Variants in SERAC1 observed in about 807,000 individuals in gnomAD.
The protein encoded by SERAC1 is serine active site containing 1.
In SERAC1, 36 loss-of-function variants were observed where a neutral mutation model predicts 85.7. That is an observed-to-expected ratio of 0.42 (90% CI 0.32 to 0.55). The LOEUF (loss-of-function observed/expected upper bound fraction) is 0.55, where lower values mean the gene tolerates loss of function less well. Among genes scored for constraint, SERAC1 ranks in the 20% least tolerant of loss-of-function variants. The probability of loss-of-function intolerance (pLI) is 0.11; values close to 1 mark genes in which losing one functional copy is unlikely to be tolerated. For synonymous variants in SERAC1, 242 were observed against 265.3 expected, an observed-to-expected ratio of 0.91 and a Z score of 0.85; for missense variants, 629 against 796.2, an observed-to-expected ratio of 0.79 and a Z score of 2.53.
intron 10 of SERAC1, among the ~76,000 whole-genome samples, chr6:158,122,031 A>G (rs1474646632): frequency 2.0e-5 from 3 of 152,264 alleles, no homozygotes; most frequent in Non-Finnish European, 4.4e-5. Flanking sequence ...TGGTGATCCC[A>G]TAAGATTATA....
At chr6:158,121,122 CTATGA>C (rs1562436350) in intron 10 of SERAC1, among the ~76,000 whole-genome samples, 1 of 151,732 alleles carries the variant, frequency 6.6e-6, no homozygotes, top group East Asian at 1.9e-4. Context: ...ACTATCTATG[CTATGA>C]TTTCTTTTTT....
At chr6:158,161,360 A>T (rs1203728454) in intron 1 of SERAC1, 1 of 151,164 alleles carries the variant, frequency 6.6e-6, no homozygotes, top group African/African-American at 2.4e-5. Context: ...TTAGCCTGGG[A>T]GACAGAGTAA....
intron 3 of SERAC1, among the ~76,000 whole-genome samples, chr6:158,152,520 A>AT (rs1785231689): frequency 6.7e-6 from 1 of 149,614 alleles, no homozygotes; most frequent in South Asian, 2.1e-4. Flanking sequence ...CATCTCCGAA[A>AT]AAAAAAAAAG....
intron 6 of SERAC1, 29 bp from the exon 7 acceptor site, chr6:158,144,449 T>A: frequency 2.0e-6 from 3 of 1,533,918 alleles, no homozygotes; most frequent in Non-Finnish European, 2.6e-6. Flanking sequence ...CTTTTGTTAA[T>A]ACCAAAACTA....
intron 1 of SERAC1, among the ~76,000 whole-genome samples, chr6:158,166,982 TAGCTGACAC>T (rs1785612705): frequency 6.6e-6 from 1 of 151,958 alleles, no homozygotes; most frequent in Non-Finnish European, 1.5e-5. Flanking sequence ...TCTAGAATAA[TAGCTGACAC>T]ACATCAAGTG....
chr6:158,129,418 T>G (rs1784618168), intron 9 of SERAC1, among the ~76,000 whole-genome samples: 1 of 152,194 alleles, frequency 6.6e-6, no homozygotes, highest in Non-Finnish European at 1.5e-5. Context: ...TGCATTCACC[T>G]CACCAGGGTG....
rs1273945797 is a variant in SERAC1, at chr6:158,110,304, T to G, written c.*1062A>C. ...GGGAGGCTGAAGCAAAAGGATCTCTTGAGCCCAGGAGTTTGAGGTTACAAT... is the reference window on the plus strand; with the variant it reads ...GGGAGGCTGAAGCAAAAGGATCTCTGGAGCCCAGGAGTTTGAGGTTACAAT... On this transcript the variant is annotated 3_prime_UTR_variant, in exon 17 of 17. Transcript: ENST00000647468. The G allele has an allele frequency of 6.6e-6, 1 of 152,234 alleles. No individual in the cohort carries two copies. Among genetic ancestry groups the G allele is most frequent in the East Asian group, 1.9e-4 (1 of 5,190 alleles). The allele number at this position is 152,234 out of a possible 1,614,324, so 9.4% of individuals were successfully genotyped here. A position where few individuals can be genotyped will look rare whatever the true frequency, so the allele number is the denominator to read the frequency against.
intron 6 of SERAC1, among the ~76,000 whole-genome samples, chr6:158,144,836 A>ATTT (rs2128420498): frequency 6.6e-6 from 1 of 152,332 alleles, no homozygotes; most frequent in African/African-American, 2.4e-5. Context: ...GTCCATGAAT[A>ATTT]TTTAGTCTGC....
At chr6:158,142,144 G>A (rs1462792628) in intron 8 of SERAC1, among the ~76,000 whole-genome samples, 2 of 151,980 alleles carry the variant, frequency 1.3e-5, no homozygotes, top group African/African-American at 4.8e-5. Context: ...AGTATTCACT[G>A]ATAGCCTTTT....
intron 1 of SERAC1, among the ~76,000 whole-genome samples, chr6:158,167,857 G>A (rs1017897465): frequency 1.3e-5 from 2 of 152,018 alleles, no homozygotes; most frequent in Non-Finnish European, 2.9e-5. Flanking sequence ...TCATCTCTCC[G>A]TGACTACCGA....
chr6:158,160,919 T>C (rs564760020), intron 1 of SERAC1: 65 of 152,308 alleles, frequency 4.3e-4, no homozygotes, highest in African/African-American at 1.5e-3. Flanking sequence ...ATTTTGTCAG[T>C]TTCCTTCCTT....
intron 5 of SERAC1, 143 bp downstream of exon 5, chr6:158,148,722 C>T (rs927479269): frequency 1.8e-5 from 10 of 569,964 alleles, no homozygotes; most frequent in African/African-American, 7.9e-5. Context: ...GGATTACAAG[C>T]GTGAGCCACC....
chr6:158,156,014 T>C (rs1562459131), intron 2 of SERAC1, among the ~76,000 whole-genome samples: 1 of 151,818 alleles, frequency 6.6e-6, no homozygotes, highest in African/African-American at 2.4e-5. Context: ...CCAGGCATGG[T>C]GGCGCATGCC....
chr6:158,151,498 C>A (rs561477721), intron 3 of SERAC1, among the ~76,000 whole-genome samples: 1 of 152,056 alleles, frequency 6.6e-6, no homozygotes, highest in South Asian at 2.1e-4. Context: ...CTCGGCTCAC[C>A]GCAAGCTCTA....
At chr6:158,140,546 T>A (rs1175732884) in intron 8 of SERAC1, among the ~76,000 whole-genome samples, 1 of 152,200 alleles carries the variant, frequency 6.6e-6, no homozygotes, top group Non-Finnish European at 1.5e-5. Flanking sequence ...ATATCCTTTA[T>A]AATAAACGGT....
intron 8 of SERAC1, among the ~76,000 whole-genome samples, chr6:158,136,993 A>G (rs1280723374): frequency 1.3e-5 from 2 of 152,132 alleles, no homozygotes; most frequent in African/African-American, 4.8e-5. Flanking sequence ...CCCCGTCTCT[A>G]CTAAAAATAC....
chr6:158,130,469 A>G lies in SERAC1; in HGVS notation c.756T>C (p.Phe252=). The change falls in exon 9 of 17, where the codon TTT becomes TTC. Residue 252 remains phenylalanine (F), a synonymous_variant. Coordinates refer to ENST00000647468, the MANE Select transcript of SERAC1 (RefSeq NM_032861.4). ...LAAQKGGLWC[F]GGNGLPYAES... is the part of the protein sequence containing the mutation. ...CAGCATAAGGAAGTCCATTTCCTCC[A>G]AAACACCATAAACCACCCTGAAATT... 2 of 1,590,288 alleles carry G rather than the reference A, an allele frequency of 1.3e-6. No homozygotes were observed. The highest frequency in any genetic ancestry group is 1.7e-6 in the Non-Finnish European group (2 of 1,169,400).
intron 8 of SERAC1, among the ~76,000 whole-genome samples, chr6:158,137,251 A>G (rs576806652): frequency 7.2e-5 from 11 of 152,028 alleles, no homozygotes; most frequent in African/African-American, 2.6e-4. Context: ...TAAATTAATT[A>G]AATATATGCT....
At chr6:158,140,460 T>C (rs1184985692) in intron 8 of SERAC1, among the ~76,000 whole-genome samples, 76 of 152,362 alleles carry the variant, frequency 5.0e-4, no homozygotes, top group Non-Finnish European at 7.3e-5. Flanking sequence ...CGGAGGGGCA[T>C]GAAGGCTCAG....
Sources: gnomAD v4.1 joint callset for allele counts (sites outside exome capture counted in the v4.1 genomes callset) on GRCh38, gnomAD v4.1.1 for gene constraint, MANE v1.5 for transcripts, NCBI Gene and HGNC (gene_info 2026-07-23, HGNC 2026-07-21) for gene names.